Variants in CHST11 observed in about 807,000 individuals in gnomAD.
CHST11 encodes carbohydrate sulfotransferase 11.
Under a neutral mutation model 30.4 loss-of-function variants are expected in CHST11, and 9 were observed. The observed-to-expected ratio is 0.30, with a 90% confidence interval of 0.18 to 0.52. The LOEUF (loss-of-function observed/expected upper bound fraction) is 0.52. Ranked by LOEUF, CHST11 falls within the 20% of genes least tolerant of loss-of-function variation. The pLI is 0.97. For missense variants in CHST11, 348 were observed against 460.6 expected (o/e 0.76, Z 2.24); for synonymous variants, 152 against 187.8 (o/e 0.81, Z 1.56).
intron 1 of CHST11, among the ~76,000 whole-genome samples, chr12:104,517,578 T>TTTGTA (rs1004804355): frequency 1.2e-4 from 18 of 152,300 alleles, no homozygotes; most frequent in African/African-American, 3.9e-4. Flanking sequence ...TGATCCTGCA[T>TTTGTA]TTGTAACCAG....
chr12:104,566,255 C>CT (rs1207360579), intron 1 of CHST11, among the ~76,000 whole-genome samples: 2 of 152,184 alleles, frequency 1.3e-5, no homozygotes, highest in African/African-American at 4.8e-5. Flanking sequence ...TAAATTACTT[C>CT]TTTCTCTGTT....
At chr12:104,755,208 C>T (rs2040464869) in intron 2 of CHST11, among the ~76,000 whole-genome samples, 1 of 152,182 alleles carries the variant, frequency 6.6e-6, no homozygotes, top group Non-Finnish European at 1.5e-5. Flanking sequence ...TTGGGTTGCA[C>T]TCAAGTCCTA....
At chr12:104,611,727 C>T (rs962560659) in intron 2 of CHST11, among the ~76,000 whole-genome samples, 7 of 152,192 alleles carry the variant, frequency 4.6e-5, no homozygotes, top group Non-Finnish European at 1.0e-4. Context: ...TCCCAAGTCT[C>T]CGATTCATGC....
intron 1 of CHST11, among the ~76,000 whole-genome samples, chr12:104,460,457 A>G (rs949202195): frequency 8.5e-5 from 13 of 152,236 alleles, no homozygotes; most frequent in African/African-American, 2.9e-4. Flanking sequence ...TGAGCTCAGG[A>G]GTTCGAGACC....
intron 1 of CHST11, among the ~76,000 whole-genome samples, chr12:104,557,009 C>T (rs2136013669): frequency 6.6e-6 from 1 of 151,636 alleles, no homozygotes; most frequent in East Asian, 1.9e-4. Flanking sequence ...AGATTTCCCT[C>T]TTCTTGTAAG....
chr12:104,725,137 A>G (rs992126940), intron 2 of CHST11, among the ~76,000 whole-genome samples: 4 of 152,138 alleles, frequency 2.6e-5, no homozygotes, highest in African/African-American at 9.7e-5. Context: ...CTGACTCTCA[A>G]TTTCCTTATC....
chr12:104,744,028 C>T (rs2040369717), intron 2 of CHST11, among the ~76,000 whole-genome samples: 2 of 152,172 alleles, frequency 1.3e-5, no homozygotes, highest in Admixed American at 1.3e-4. Context: ...AGGTTGATTC[C>T]ATGTCTTTGC....
At chr12:104,464,714 G>C (rs928968855) in intron 1 of CHST11, among the ~76,000 whole-genome samples, 9 of 152,266 alleles carry the variant, frequency 5.9e-5, no homozygotes, top group Admixed American at 5.9e-4. Context: ...CTGAAAAAGA[G>C]ATTTGAGAAA....
At chr12:104,597,028 C>T (rs1039358251) in intron 1 of CHST11, among the ~76,000 whole-genome samples, 3 of 152,186 alleles carry the variant, frequency 2.0e-5, no homozygotes, top group Admixed American at 6.5e-5. Flanking sequence ...AGCATCTCCC[C>T]TGCATTCCAG....
In CHST11 at chr12:104,730,770, G is replaced by A. The variant is rs1330162322; in HGVS notation, c.205-26179G>A. On this transcript the variant is annotated intron_variant, in intron 2 of 2. Coordinates refer to ENST00000303694, the MANE Select transcript of CHST11 (RefSeq NM_018413.6). Reference sequence around the variant, plus strand: ...ATGGGGAGAGGAGTGGCTTCTGCTCGTCCACACTGTTCATCTCTAGGAGTG... The same window carrying A: ...ATGGGGAGAGGAGTGGCTTCTGCTCATCCACACTGTTCATCTCTAGGAGTG... 4.6e-5 allele frequency among the ~76,000 whole-genome samples: 7 copies of A among 152,266 alleles called. 1 individual carries two copies. In the South Asian group the frequency reaches 1.0e-3, roughly 23 times the overall value.
chr12:104,590,500 A>C (rs1053887453), intron 1 of CHST11, among the ~76,000 whole-genome samples: 1 of 152,220 alleles, frequency 6.6e-6, no homozygotes, highest in African/African-American at 2.4e-5. Flanking sequence ...TTAGGAACCG[A>C]GGATATTGTG....
intron 1 of CHST11, among the ~76,000 whole-genome samples, chr12:104,486,005 T>C (rs2037674384): frequency 6.6e-6 from 1 of 152,164 alleles, no homozygotes; most frequent in African/African-American, 2.4e-5. Context: ...TGTGTGGGCA[T>C]GTGTGTGCAT....
chr12:104,627,456 C>T (rs981984876), intron 2 of CHST11, among the ~76,000 whole-genome samples: 9 of 152,102 alleles, frequency 5.9e-5, no homozygotes, highest in African/African-American at 1.7e-4. Context: ...CTGTAGCTGC[C>T]GCATGGACTG....
intron 2 of CHST11, among the ~76,000 whole-genome samples, chr12:104,722,186 G>GTGTGTGTGTGTGTGTGTGTA (rs1252954365): frequency 6.7e-6 from 1 of 149,972 alleles, no homozygotes; most frequent in African/African-American, 2.4e-5. Context: ...GTGTGTGTGT[G>GTGTGTGTGTGTGTGTGTGTA]TGTATGAGAT....
At chr12:104,610,766 T>C (rs1182226987) in intron 2 of CHST11, among the ~76,000 whole-genome samples, 1 of 152,182 alleles carries the variant, frequency 6.6e-6, no homozygotes, top group Non-Finnish European at 1.5e-5. Flanking sequence ...GTGGAGTCTG[T>C]GGGTCTGATG....
At chr12:104,665,880 C>T (rs1232217961) in intron 2 of CHST11, among the ~76,000 whole-genome samples, 8 of 132,208 alleles carry the variant, frequency 6.1e-5, no homozygotes, top group Non-Finnish European at 9.2e-5. Flanking sequence ...ACCGCAGTGG[C>T]GCGATCTCGG....
chr12:104,654,616 G>A (rs904888711), intron 2 of CHST11, among the ~76,000 whole-genome samples: 10 of 152,036 alleles, frequency 6.6e-5, no homozygotes, highest in Non-Finnish European at 1.5e-4. Context: ...TCCTATGGGG[G>A]GTAATGTCCC....
At chr12:104,750,454 T>TTG (rs1172925634) in intron 2 of CHST11, among the ~76,000 whole-genome samples, 41 of 122,186 alleles carry the variant, frequency 3.4e-4, no homozygotes, top group African/African-American at 1.4e-3. Context: ...TTTTTTTTTT[T>TTG]TTGTTGAGAC....
At chr12:104,574,696 C>G (rs1361824022) in intron 1 of CHST11, among the ~76,000 whole-genome samples, 1 of 150,002 alleles carries the variant, frequency 6.7e-6, no homozygotes, top group African/African-American at 2.5e-5. Flanking sequence ...ACATCACACA[C>G]TGGGGTCTGT....
Sources: gnomAD v4.1 joint callset for allele counts (sites outside exome capture counted in the v4.1 genomes callset) on GRCh38, gnomAD v4.1.1 for gene constraint, MANE v1.5 for transcripts, NCBI Gene and HGNC (gene_info 2026-07-23, HGNC 2026-07-21) for gene names.